RGR: variants seen among roughly 807,000 people sequenced by gnomAD.
RGR encodes the protein RPE-retinal G protein-coupled receptor.
A neutral mutation model predicts 28.6 loss-of-function variants in RGR; 30 were observed. That is an observed-to-expected ratio of 1.05 (90% CI 0.78 to 1.42). RGR has a LOEUF of 1.42. Among genes scored for constraint, RGR ranks in the 40% most tolerant of loss-of-function variants. The pLI, the probability that RGR is intolerant of heterozygous loss-of-function variation, is 0.00. For synonymous variants in RGR, 180 were observed against 156.4 expected, an observed-to-expected ratio of 1.15 and a Z score of -1.13; for missense variants, 404 against 375.6, an observed-to-expected ratio of 1.08 and a Z score of -0.62.
chr10:84,251,815 T>C (rs1041824573), intron 3 of RGR, among the ~76,000 whole-genome samples: 18 of 152,170 alleles, frequency 1.2e-4, no homozygotes, highest in African/African-American at 3.9e-4. Context: ...CATTGGGGAT[T>C]AGGGCTTCAA....
rs34014972 is a variant in RGR, at chr10:84,258,737, C to CA, written c.*99dup. Reference sequence around the variant, plus strand: ...AGCCCAGACACTCACCCACCTTCCCCAGTGGCCCCGTGGATCCTGGTCCTA... The same window carrying CA: ...AGCCCAGACACTCACCCACCTTCCCCAAGTGGCCCCGTGGATCCTGGTCCTA... On this transcript the variant is annotated 3_prime_UTR_variant, in exon 7 of 7. Transcript: ENST00000652092. The CA allele has an allele frequency of 0.13, 207,082 of 1,560,424 alleles. 14,065 individuals are homozygous for CA. Among genetic ancestry groups the CA allele is most frequent in the Middle Eastern group, 0.19 (916 of 4,918 alleles).
At chr10:84,252,139 G>GGTCAA (rs1842825971) in intron 3 of RGR, among the ~76,000 whole-genome samples, 1 of 152,236 alleles carries the variant, frequency 6.6e-6, no homozygotes, top group Non-Finnish European at 1.5e-5. Context: ...TCAGGGAAGG[G>GGTCAA]ACTAGAGGAG....
intron 5 of RGR, among the ~76,000 whole-genome samples, chr10:84,257,535 G>A (rs529963809): frequency 9.1e-4 from 139 of 152,282 alleles, no homozygotes; most frequent in African/African-American, 3.0e-3. Context: ...AGGAGTTCGA[G>A]ACCAGCCTAG....
intron 5 of RGR, among the ~76,000 whole-genome samples, chr10:84,254,699 T>C (rs1842862220): frequency 6.6e-6 from 1 of 152,210 alleles, no homozygotes; most frequent in African/African-American, 2.4e-5. Flanking sequence ...TTCCCAAGGC[T>C]GCCTAATCTC....
At chr10:84,245,998 C>G (rs1286613346) in intron 1 of RGR, among the ~76,000 whole-genome samples, 1 of 152,154 alleles carries the variant, frequency 6.6e-6, no homozygotes, top group Non-Finnish European at 1.5e-5. Flanking sequence ...GAGGAAGTGA[C>G]AGTCATTAGA....
At chr10:84,249,846 A>G (rs1335073686) in intron 3 of RGR, among the ~76,000 whole-genome samples, 1 of 152,198 alleles carries the variant, frequency 6.6e-6, no homozygotes. Context: ...ATAATTGGCC[A>G]TATCAGTGTA....
chr10:84,248,807 C>T (rs970224985), intron 2 of RGR, 115 bp from the exon 3 acceptor site: 4 of 1,593,548 alleles, frequency 2.5e-6, no homozygotes, highest in South Asian at 2.2e-5. Flanking sequence ...ATATTAAGGC[C>T]CTCTTCAGAG....
intron 3 of RGR, among the ~76,000 whole-genome samples, chr10:84,251,638 G>T (rs747254033): frequency 2.0e-5 from 3 of 152,154 alleles, no homozygotes; most frequent in Non-Finnish European, 2.9e-5. Flanking sequence ...TCCGCCTTCT[G>T]GGTTCAAGCA....
At position 84,258,599 on chromosome 10, in the gene RGR, G is replaced by T. The variant is rs762843333; in HGVS notation, c.836G>T (p.Cys279Phe). The T allele has an allele frequency of 1.9e-6, 3 of 1,614,204 alleles. No homozygotes were observed. The highest frequency in any genetic ancestry group is 8.5e-7 in the Non-Finnish European group (1 of 1,180,040). Residue 279 changes from cysteine (C) to phenylalanine (F), a missense_variant, in exon 7 of 7, where the codon TGC (cysteine) becomes TTC (phenylalanine). Transcript: ENST00000652092. ...ATGGTCTGCAGGGGAATCTGGCAGT[G>T]CCTCTCACCGCAGAAGAGGGAGAAG... is the stretch of plus-strand genomic sequence containing the variant. ...NEMVCRGIWQ[C>F]LSPQKREKDR...
chr10:84,249,698 C>G (rs529880917), intron 3 of RGR, among the ~76,000 whole-genome samples: 6 of 152,182 alleles, frequency 3.9e-5, no homozygotes, highest in Non-Finnish European at 7.3e-5. Flanking sequence ...ACAGGCACTA[C>G]TCTGCAGACA....
Position 84,258,791 on chromosome 10 carries a change from A to C in RGR, c.*152A>C. The C allele has an allele frequency of 1.7e-6, 2 of 1,153,892 alleles. No individual in the cohort carries two copies. The highest frequency in any genetic ancestry group is 2.5e-6 in the Non-Finnish European group (2 of 802,526). 71.5% of individuals were successfully genotyped at this position (1,153,892 alleles called of 1,614,324 possible). A position where few individuals can be genotyped will look rare whatever the true frequency, so the allele number is the denominator to read the frequency against. On this transcript the variant is annotated 3_prime_UTR_variant, in exon 7 of 7. Coordinates refer to ENST00000652092, the MANE Select transcript of RGR (RefSeq NM_001012720.2). ...TGGACACAGGATTCAGAAAGACACC[A>C]GGCTGCACAGAAAGAGCCAGATGGA...
At chr10:84,251,210 G>A (rs944211038) in intron 3 of RGR, among the ~76,000 whole-genome samples, 3 of 152,300 alleles carry the variant, frequency 2.0e-5, no homozygotes, top group African/African-American at 7.2e-5. Flanking sequence ...ACTCCAGCCT[G>A]GGTGACACAG....
In RGR at chr10:84,254,309, AC is replaced by A; in HGVS notation, c.513-14del. ...CCCTGAGAGCTAACCCCAATCCTCCACCCGCTCTCCCTGTAGAAACTTCACC... is the reference window on the plus strand; with the variant it reads ...CCCTGAGAGCTAACCCCAATCCTCCACCGCTCTCCCTGTAGAAACTTCACC... On this transcript the variant is annotated splice_polypyrimidine_tract_variant and intron_variant, in intron 4 of 6. Transcript: ENST00000652092. 1 of 1,609,380 alleles carries A rather than the reference AC, an allele frequency of 6.2e-7. No homozygotes were observed. The highest frequency in any genetic ancestry group is 1.3e-5 in the African/African-American group (1 of 74,820).
chr10:84,254,993 T>A (rs2132887045), intron 5 of RGR: 1 of 165,652 alleles, frequency 6.0e-6, no homozygotes, highest in East Asian at 1.7e-4. Flanking sequence ...GTGTTTTGGT[T>A]GCTCAACTTC....
In RGR at chr10:84,254,420, C is replaced by A; in HGVS notation, c.607C>A (p.Leu203Met). The A allele has an allele frequency of 6.2e-7, 1 of 1,614,174 alleles. No individual in the cohort carries two copies. The highest frequency in any genetic ancestry group is 8.5e-7 in the Non-Finnish European group (1 of 1,180,016). ...ITSYSLMEQK[L>M]GKSGHLQVNT... ...TTCCTACAGTCTCATGGAGCAGAAACTGGGGAAGAGTGGCCATCTCCAGGT... is the reference window on the plus strand; with the variant it reads ...TTCCTACAGTCTCATGGAGCAGAAAATGGGGAAGAGTGGCCATCTCCAGGT... Residue 203 changes from leucine (L) to methionine (M), a missense_variant, in exon 5 of 7, where the codon CTG (leucine) becomes ATG (methionine). Physicochemically the swap from Leu to Met is conservative, Grantham distance 15. Coordinates refer to ENST00000652092, the MANE Select transcript of RGR (RefSeq NM_001012720.2).
intron 1 of RGR, among the ~76,000 whole-genome samples, chr10:84,245,940 A>G (rs2132875124): frequency 6.6e-6 from 1 of 152,334 alleles, no homozygotes; most frequent in East Asian, 1.9e-4. Context: ...AAGCAGACCC[A>G]GAGAAATCAT....
chr10:84,248,106 C>T (rs1842770371), intron 2 of RGR: 1 of 627,078 alleles, frequency 1.6e-6, no homozygotes, highest in East Asian at 5.4e-5. Flanking sequence ...GAAGTATTTA[C>T]TTCTATTATG....
chr10:84,247,646 G>A lies in RGR; in HGVS notation c.135G>A (p.Pro45=), dbSNP rs753086873. ...CCATCTTCTCTTTCTGCAAGACCCC[G>A]GAGCTGCGGACTCCCTGCCACCTAC... ...TLTIFSFCKT[P]ELRTPCHLLV... is the part of the protein sequence containing the mutation. The change falls in exon 2 of 7, where the codon CCG becomes CCA. Residue 45 remains proline, a synonymous_variant. Transcript: ENST00000652092. The A allele has an allele frequency of 1.7e-5, 28 of 1,613,982 alleles. No individual in the cohort carries two copies. Among genetic ancestry groups the A allele is most frequent in the Admixed American group, 1.2e-4 (7 of 59,996 alleles).
At position 84,258,921 on chromosome 10, in the gene RGR, G is replaced by C. The variant is rs1359874074; in HGVS notation, c.*282G>C. Reference sequence around the variant, plus strand: ...ATGTAAGGGGGTACAGTGCAGTTTTGTTACATGGATAGATTGCCTAGTGGT... The same window carrying C: ...ATGTAAGGGGGTACAGTGCAGTTTTCTTACATGGATAGATTGCCTAGTGGT... On this transcript the variant is annotated 3_prime_UTR_variant, in exon 7 of 7. Coordinates refer to ENST00000652092, the MANE Select transcript of RGR (RefSeq NM_001012720.2). The C allele has an allele frequency of 3.5e-5, 15 of 429,380 alleles. No homozygotes were observed. The highest frequency in any genetic ancestry group is 6.1e-5 in the Non-Finnish European group (14 of 229,002). The allele number at this position is 429,380 out of a possible 1,614,324, so 26.6% of individuals were successfully genotyped here.
Sources: allele counts gnomAD v4.1 joint callset (sites outside exome capture counted in the v4.1 genomes callset), GRCh38; gene constraint gnomAD v4.1.1; transcripts MANE v1.5; gene names NCBI Gene and HGNC (gene_info 2026-07-23, HGNC 2026-07-21).